The following DGKB variants were observed in gnomAD, a reference collection of about 807,000 sequenced individuals.
DGKB encodes diacylglycerol kinase beta.
In DGKB, 67 loss-of-function variants were observed where a neutral mutation model predicts 114.3. The observed-to-expected ratio is 0.59, with a 90% CI of 0.48 to 0.72. The LOEUF is 0.72. Ranked by LOEUF, DGKB falls within the 30% of genes least tolerant of loss-of-function variation. DGKB has a pLI of 0.00. For missense variants in DGKB, 907 were observed against 975.2 expected, an observed-to-expected ratio of 0.93 and a Z score of 0.93; for synonymous variants, 398 against 323.1, an observed-to-expected ratio of 1.23 and a Z score of -2.49.
intron 13 of DGKB, among the ~76,000 whole-genome samples, chr7:14,650,816 T>G (rs1231803151): frequency 6.8e-6 from 1 of 146,524 alleles, no homozygotes; most frequent in African/African-American, 2.5e-5. Context: ...AAAGGGGATA[T>G]CACCACAGAT....
chr7:14,209,984 G>A (rs1354072866), intron 23 of DGKB, among the ~76,000 whole-genome samples: 1 of 151,792 alleles, frequency 6.6e-6, no homozygotes, highest in Non-Finnish European at 1.5e-5. Flanking sequence ...GGTGGTCTTT[G>A]GATTACAGTA....
chr7:14,597,434 G>A (rs1272721009), intron 17 of DGKB, among the ~76,000 whole-genome samples: 2 of 152,048 alleles, frequency 1.3e-5, no homozygotes, highest in African/African-American at 4.8e-5. Context: ...TTTAATAGTT[G>A]TAAATATAAT....
chr7:14,235,494 T>C (rs1440091289), intron 23 of DGKB, among the ~76,000 whole-genome samples: 2 of 152,076 alleles, frequency 1.3e-5, no homozygotes, highest in Non-Finnish European at 2.9e-5. Flanking sequence ...TGGATATCAA[T>C]TTTATCAGAG....
At chr7:14,868,987 G>C (rs1304402388) in intron 1 of DGKB, among the ~76,000 whole-genome samples, 1 of 152,128 alleles carries the variant, frequency 6.6e-6, no homozygotes, top group Non-Finnish European at 1.5e-5. Flanking sequence ...CCTCACCACT[G>C]TTTGTCTTAG....
At chr7:14,697,282 T>C (rs1824110056) in intron 8 of DGKB, among the ~76,000 whole-genome samples, 1 of 152,174 alleles carries the variant, frequency 6.6e-6, no homozygotes, top group Non-Finnish European at 1.5e-5. Context: ...TTTTAACATA[T>C]TTGGGTCTCA....
chr7:14,953,983 A>G (rs1786354213), intron 1 of DGKB, among the ~76,000 whole-genome samples: 1 of 152,048 alleles, frequency 6.6e-6, no homozygotes, highest in South Asian at 2.1e-4. Context: ...TGAAGAAGAA[A>G]TTCTGGGACT....
At chr7:14,535,448 C>A (rs1355456209) in intron 20 of DGKB, among the ~76,000 whole-genome samples, 1 of 149,972 alleles carries the variant, frequency 6.7e-6, no homozygotes, top group African/African-American at 2.4e-5. Flanking sequence ...AACAACCTAA[C>A]TTTATACCTC....
chr7:14,499,883 CATA>C (rs1180957150), intron 20 of DGKB, among the ~76,000 whole-genome samples: 13 of 151,778 alleles, frequency 8.6e-5, no homozygotes, highest in African/African-American at 3.1e-4. Context: ...TAAGAACTGT[CATA>C]GTGAATCAGA....
chr7:14,811,304 A>G (rs558432931), intron 2 of DGKB, among the ~76,000 whole-genome samples: 207 of 152,266 alleles, frequency 1.4e-3, no homozygotes, highest in African/African-American at 4.6e-3. Flanking sequence ...AACTTCCAGG[A>G]TCAAGTGATC....
chr7:14,839,666 C>G (rs1042184722), intron 2 of DGKB, among the ~76,000 whole-genome samples: 9 of 151,942 alleles, frequency 5.9e-5, no homozygotes, highest in East Asian at 5.8e-4. Context: ...CCTCCAAAAC[C>G]TAAATGTAAA....
chr7:14,327,632 T>C (rs1405137459), intron 23 of DGKB, among the ~76,000 whole-genome samples: 1 of 152,108 alleles, frequency 6.6e-6, no homozygotes, highest in Non-Finnish European at 1.5e-5. Context: ...ACTGTCTTTT[T>C]AAAATCAAAA....
intron 23 of DGKB, among the ~76,000 whole-genome samples, chr7:14,289,761 A>C (rs1562850643): frequency 7.8e-6 from 1 of 127,520 alleles, no homozygotes; most frequent in East Asian, 2.3e-4. Context: ...AAAAAAAAAA[A>C]AACACAAAAC....
intron 12 of DGKB, among the ~76,000 whole-genome samples, chr7:14,677,219 G>A (rs970015259): frequency 6.6e-5 from 10 of 151,924 alleles, no homozygotes; most frequent in Admixed American, 2.0e-4. Context: ...GAGTGGCTGC[G>A]CTGGTCAGAG....
At chr7:14,486,595 A>G (rs1783846342) in intron 20 of DGKB, among the ~76,000 whole-genome samples, 1 of 152,046 alleles carries the variant, frequency 6.6e-6, no homozygotes. Context: ...CAACTGGCCA[A>G]CTCCACTAGA....
intron 2 of DGKB, among the ~76,000 whole-genome samples, chr7:14,832,492 T>A (rs960507527): frequency 6.6e-6 from 1 of 152,052 alleles, no homozygotes; most frequent in African/African-American, 2.4e-5. Context: ...GTCTTTCCTG[T>A]TTTCCATCCA....
intron 23 of DGKB, among the ~76,000 whole-genome samples, chr7:14,196,742 A>G (rs1466369041): frequency 6.6e-6 from 1 of 152,078 alleles, no homozygotes; most frequent in Non-Finnish European, 1.5e-5. Context: ...TTCAGTATCT[A>G]GTCACCTTAT....
intron 1 of DGKB, among the ~76,000 whole-genome samples, chr7:14,969,922 T>A (rs1406139976): frequency 6.6e-6 from 1 of 152,194 alleles, no homozygotes; most frequent in Non-Finnish European, 1.5e-5. Flanking sequence ...TGACACATTA[T>A]GACATTATGA....
At chr7:14,530,789 T>C (rs542074562) in intron 20 of DGKB, among the ~76,000 whole-genome samples, 1 of 151,646 alleles carries the variant, frequency 6.6e-6, no homozygotes, top group Non-Finnish European at 1.5e-5. Flanking sequence ...CACTAATTCG[T>C]TGTTCTTGTA....
At chr7:14,925,233 A>G (rs1404831257) in intron 1 of DGKB, among the ~76,000 whole-genome samples, 1 of 152,204 alleles carries the variant, frequency 6.6e-6, no homozygotes, top group African/African-American at 2.4e-5. Context: ...TACTGTGACC[A>G]TCAGTGAAAA....
Sources: gnomAD v4.1 joint callset for allele counts (sites outside exome capture counted in the v4.1 genomes callset) on GRCh38, gnomAD v4.1.1 for gene constraint, MANE v1.5 for transcripts, NCBI Gene and HGNC (gene_info 2026-07-23, HGNC 2026-07-21) for gene names.